Variants in ATG101 observed in about 807,000 individuals in gnomAD.
The protein encoded by ATG101 is autophagy-related protein 101.
In ATG101, 6 loss-of-function variants were observed where a neutral mutation model predicts 16.7. The ratio of observed to expected loss-of-function variants is 0.36; its 90% CI spans 0.20 to 0.71. The LOEUF is 0.71. Ranked by LOEUF, ATG101 falls within the 30% of genes least tolerant of loss-of-function variation. The probability of loss-of-function intolerance (pLI) is 0.57; values close to 1 mark genes in which losing one functional copy is unlikely to be tolerated. For synonymous variants in ATG101, 108 were observed against 118.1 expected, an observed-to-expected ratio of 0.91 and a Z score of 0.56; for missense variants, 200 against 292.5, an observed-to-expected ratio of 0.68 and a Z score of 2.31.
At chr12:52,066,578 T>G (rs143597148), upstream of ATG101, among the ~76,000 whole-genome samples, 765 of 152,302 alleles carry the variant, frequency 5.0e-3, 8 homozygotes, top group African/African-American at 0.015. Flanking sequence ...GAAACCACTA[T>G]GCATCACTAT....
intron 3 of ATG101, among the ~76,000 whole-genome samples, chr12:52,074,779 C>A (rs765019067): frequency 9.2e-5 from 14 of 152,046 alleles, no homozygotes; most frequent in South Asian, 2.1e-4. Flanking sequence ...GGAAACATGG[C>A]GAAACTCCGT....
intron 3 of ATG101, among the ~76,000 whole-genome samples, chr12:52,074,316 G>A (rs1939700266): frequency 6.6e-6 from 1 of 152,078 alleles, no homozygotes; most frequent in South Asian, 2.1e-4. Flanking sequence ...ATCCAAGATG[G>A]GAGTGTCCCT....
At chr12:52,065,869 G>A (rs1230402433), upstream of ATG101, among the ~76,000 whole-genome samples, 4 of 152,176 alleles carry the variant, frequency 2.6e-5, no homozygotes, top group Non-Finnish European at 4.4e-5. Context: ...GCGGCAGAAA[G>A]AGAGGGATTG....
chr12:52,068,990 CAA>C (rs869030833), upstream of ATG101, among the ~76,000 whole-genome samples: 337 of 33,416 alleles, frequency 0.01, 2 homozygotes, highest in African/African-American at 0.036. Context: ...GACGCCGTCT[CAA>C]AAAAAAAAAA....
Position 52,077,195 on chromosome 12 carries a change from C to T in ATG101, c.*5C>T, listed in dbSNP as rs113427902. On this transcript the variant is annotated 3_prime_UTR_variant, in exon 4 of 4. Transcript: ENST00000336854. ...AAAGACACCCTTGCCCTCTGAGCGT[C>T]GCTGGATCTCTGGGAGCTCCTTGAT... 55,211 of 1,609,498 alleles carry T rather than the reference C, an allele frequency of 0.034. 1,215 individuals carry two copies. The highest frequency in any genetic ancestry group is 0.079 in the South Asian group (7,220 of 90,998).
In ATG101 at chr12:52,076,634, C is replaced by T; in HGVS notation, c.253-152C>T. ...TGGCAGTTTGCTGTGTCACTAAGCC[C>T]AAATCGTTTACCCTCTCCCAGTCTT... is the stretch of plus-strand genomic sequence containing the variant. On this transcript the variant is annotated intron_variant, in intron 3 of 3. Transcript: ENST00000336854. 3.2e-6 allele frequency: 3 copies of T among 951,698 alleles called. No homozygotes were observed. In the South Asian group the frequency reaches 5.3e-5, roughly 17 times the overall value. The allele number at this position is 951,698 out of a possible 1,614,324, so 59.0% of individuals were successfully genotyped here. A position where few individuals can be genotyped will look rare whatever the true frequency, so the allele number is the denominator to read the frequency against.
chr12:52,067,456 A>G (rs770854369), upstream of ATG101, among the ~76,000 whole-genome samples: 18 of 152,186 alleles, frequency 1.2e-4, no homozygotes, highest in Non-Finnish European at 2.5e-4. Flanking sequence ...GGTACATAGG[A>G]GAGAGTTGGC....
upstream of ATG101, among the ~76,000 whole-genome samples, chr12:52,068,340 C>T (rs1939571987): frequency 6.6e-6 from 1 of 151,460 alleles, no homozygotes; most frequent in African/African-American, 2.4e-5. Context: ...AGGCATGAGC[C>T]ATCACACCCG....
chr12:52,072,588 G>C (rs1247975346), intron 2 of ATG101, among the ~76,000 whole-genome samples: 1 of 152,050 alleles, frequency 6.6e-6, no homozygotes, highest in Non-Finnish European at 1.5e-5. Context: ...TGTGGATGTG[G>C]GTGTCTCTAG....
intron 2 of ATG101, among the ~76,000 whole-genome samples, chr12:52,072,812 A>T (rs887351307): frequency 1.3e-5 from 2 of 151,420 alleles, no homozygotes; most frequent in African/African-American, 4.9e-5. Context: ...TCGCTTTGTC[A>T]CTCAGGCTGG....
At chr12:52,069,108 A>T (rs578253569), upstream of ATG101, 1 of 152,000 alleles carries the variant, frequency 6.6e-6, no homozygotes, top group African/African-American at 2.4e-5. Context: ...GGAGAACCAA[A>T]TGCGCTCCAG....
At chr12:52,066,784 C>T (rs1382129184), upstream of ATG101, among the ~76,000 whole-genome samples, 1 of 152,010 alleles carries the variant, frequency 6.6e-6, no homozygotes, top group East Asian at 1.9e-4. Flanking sequence ...GGCTAGTGGT[C>T]GCAAAGGGCT....
chr12:52,074,704 G>A (rs536742716), intron 3 of ATG101, among the ~76,000 whole-genome samples: 1 of 152,108 alleles, frequency 6.6e-6, no homozygotes, highest in South Asian at 2.1e-4. Context: ...CATGCCTGTT[G>A]TCTCAGCACT....
In ATG101 at chr12:52,073,610, T is replaced by C. The variant is rs1328959049; in HGVS notation, c.-41T>C. On this transcript the variant is annotated 5_prime_UTR_variant, in exon 3 of 4. Transcript: ENST00000336854. Reference sequence around the variant, plus strand: ...GGGTAGGGTGAAGATCCCCTGTCTTTATCCTAGTTCCACACCTTGGTGTGG... The same window carrying C: ...GGGTAGGGTGAAGATCCCCTGTCTTCATCCTAGTTCCACACCTTGGTGTGG... 1.9e-6 allele frequency: 3 copies of C among 1,595,116 alleles called. No homozygotes were observed. In the Admixed American group the frequency reaches 5.1e-5, roughly 27 times the overall value.
upstream of ATG101, among the ~76,000 whole-genome samples, chr12:52,066,147 G>A (rs1939547927): frequency 6.6e-6 from 1 of 152,192 alleles, no homozygotes; most frequent in East Asian, 1.9e-4. Context: ...AAAGTGTTGG[G>A]ATTACAGGTG....
At position 52,077,115 on chromosome 12, in the gene ATG101, C is replaced by T; in HGVS notation, c.582C>T (p.Phe194=). The part of the protein sequence containing the change: ...DVQPYLYKIS[F]QITDALGTSV... ...AGCCCTACCTGTACAAGATCTCCTT[C>T]CAGATCACTGATGCCCTGGGCACCT... is the stretch of plus-strand genomic sequence containing the variant. The change falls in exon 4 of 4, where the codon TTC becomes TTT. Residue 194 remains phenylalanine (F), a synonymous_variant. Transcript: ENST00000336854. 1 of 1,614,226 alleles carries T rather than the reference C, an allele frequency of 6.2e-7. No individual in the cohort carries two copies. The highest frequency in any genetic ancestry group is 8.5e-7 in the Non-Finnish European group (1 of 1,180,038).
chr12:52,069,807 G>A (rs1301539454), upstream of ATG101: 1 of 152,226 alleles, frequency 6.6e-6, no homozygotes, highest in Non-Finnish European at 1.5e-5. Context: ...ACCACGAAAG[G>A]AGCAGCCCCC....
At chr12:52,072,507 T>C (rs1353257549) in intron 2 of ATG101, among the ~76,000 whole-genome samples, 3 of 152,216 alleles carry the variant, frequency 2.0e-5, no homozygotes, top group Admixed American at 6.5e-5. Context: ...CTACATCTAC[T>C]GTAGTGGTCT....
chr12:52,071,813 A>G (rs1332780488), intron 2 of ATG101, among the ~76,000 whole-genome samples: 6 of 152,166 alleles, frequency 3.9e-5, no homozygotes, highest in African/African-American at 9.7e-5. Context: ...TTTCATAAAT[A>G]AAATAAATAA....
Sources: allele counts gnomAD v4.1 joint callset (sites outside exome capture counted in the v4.1 genomes callset), GRCh38; gene constraint gnomAD v4.1.1; transcripts MANE v1.5; gene names NCBI Gene and HGNC (gene_info 2026-07-23, HGNC 2026-07-21).